Variants in TRIM14 observed in about 807,000 individuals in gnomAD.
The protein encoded by TRIM14 is tripartite motif containing 14.
In TRIM14, 28 loss-of-function variants were observed where a neutral mutation model predicts 44.5. That is an observed-to-expected ratio of 0.63 (90% CI 0.47 to 0.86). The LOEUF is 0.86. TRIM14 is among the 40% of genes least tolerant of loss of function. The pLI, the probability that TRIM14 is intolerant of heterozygous loss-of-function variation, is 0.00. For missense variants in TRIM14, 607 were observed against 611.1 expected, an observed-to-expected ratio of 0.99 and a Z score of 0.07; for synonymous variants, 299 against 269.2, an observed-to-expected ratio of 1.11 and a Z score of -1.08.
At chr9:98,041,579 C>T in the TRIM14 span, among the ~76,000 whole-genome samples, 1 of 152,024 alleles carries the variant, frequency 6.6e-6, no homozygotes, top group Non-Finnish European at 1.5e-5. Context: ...GTAACCTCCG[C>T]CTTCTGGGTT....
rs1342965777 is a variant in TRIM14, at chr9:98,091,969, T to G, written c.733A>C (p.Thr245Pro). ...GTTTTCAACAAGGTACCTGGCTTGG[T>G]GCTGGAAGGGTCTGAGAGCTGGCAG... is the stretch of plus-strand genomic sequence containing the variant. ...INCQLSDPSS[T>P]KPGTLLKTSP... The change falls in exon 5 of 6, where the codon ACC becomes CCC. Residue 245 changes from threonine (T) to proline (P), a missense_variant. Transcript: ENST00000341469. 6.2e-7 allele frequency: 1 copy of G among 1,610,782 alleles called. No homozygotes were observed. Among genetic ancestry groups the G allele is most frequent in the Admixed American group, 1.7e-5 (1 of 59,924 alleles).
In TRIM14 at chr9:98,086,830, T is replaced by C. The variant is rs1825791464; in HGVS notation, c.*640A>G. ...GAGGCGCTTGTATTTTTTTTTGTTA[T>C]TTCATGGAAACTCCTGGAAGCCTTT... On this transcript the variant is annotated 3_prime_UTR_variant, in exon 6 of 6. Coordinates refer to ENST00000341469, the MANE Select transcript of TRIM14 (RefSeq NM_014788.4). The C allele has an allele frequency of 6.5e-6, 1 of 153,528 alleles. No homozygotes were observed. The highest frequency in any genetic ancestry group is 1.4e-5 in the Non-Finnish European group (1 of 69,128). 9.5% of individuals were successfully genotyped at this position (153,528 alleles called of 1,614,324 possible).
chr9:98,108,522 G>A (rs1265929970), intron 2 of TRIM14, among the ~76,000 whole-genome samples: 3 of 152,102 alleles, frequency 2.0e-5, no homozygotes, highest in African/African-American at 7.2e-5. Context: ...ATTCTTGGGG[G>A]CCCTCAAACC....
chr9:98,046,079 G>C, the TRIM14 span, among the ~76,000 whole-genome samples: 3 of 152,182 alleles, frequency 2.0e-5, no homozygotes, highest in South Asian at 6.2e-4. Context: ...TAAAATTTGG[G>C]TTTTGGAAAT....
At chr9:98,088,133 A>T in intron 5 of TRIM14, 128 bp from the exon 6 acceptor site, 1 of 1,105,244 alleles carries the variant, frequency 9.0e-7, no homozygotes, top group South Asian at 1.9e-5. Flanking sequence ...GGAAGGGGTG[A>T]CAGACCCCTT....
chr9:98,091,294 A>G (rs1825984607), intron 5 of TRIM14, among the ~76,000 whole-genome samples: 1 of 152,140 alleles, frequency 6.6e-6, no homozygotes, highest in Non-Finnish European at 1.5e-5. Flanking sequence ...AAAAACAATG[A>G]TAAAAATAAA....
chr9:98,052,372 G>A, the TRIM14 span, among the ~76,000 whole-genome samples: 1 of 151,774 alleles, frequency 6.6e-6, no homozygotes, highest in African/African-American at 2.4e-5. Context: ...TTTTCCTTCA[G>A]AAAAATAAGA....
chr9:98,102,937 A>C (rs1004389693), intron 2 of TRIM14, among the ~76,000 whole-genome samples: 6 of 152,218 alleles, frequency 3.9e-5, no homozygotes, highest in Non-Finnish European at 8.8e-5. Context: ...CTGCAATCCC[A>C]GCACTTTGGG....
At chr9:98,075,868 A>G (rs936819787) in intron 6 of TRIM14, 4 of 152,198 alleles carry the variant, frequency 2.6e-5, no homozygotes, top group Non-Finnish European at 4.4e-5. Context: ...AATGATAATA[A>G]AAAGTTTTTG....
chr9:98,036,799 G>C, the TRIM14 span, among the ~76,000 whole-genome samples: 1 of 152,056 alleles, frequency 6.6e-6, no homozygotes, highest in Non-Finnish European at 1.5e-5. Context: ...AGTGAAACTC[G>C]GTCTCAAAAA....
At position 98,084,473 on chromosome 9, in the gene TRIM14, GAGA is replaced by G. The variant is rs1158398976; in HGVS notation, c.*2994_*2996del. Reference sequence around the variant, plus strand: ...AATGTCTACAGATTCAAGTCTGAAAGAGAAGAAGGTAAGTGATCAGTAACCCTT... The same window carrying G: ...AATGTCTACAGATTCAAGTCTGAAAGAGAAGGTAAGTGATCAGTAACCCTT... On this transcript the variant is annotated 3_prime_UTR_variant, in exon 6 of 6. Transcript: ENST00000341469. 2.0e-5 allele frequency: 3 copies of G among 152,206 alleles called. No homozygotes were observed. Among genetic ancestry groups the G allele is most frequent in the African/African-American group, 7.2e-5 (3 of 41,444 alleles). 9.4% of individuals were successfully genotyped at this position (152,206 alleles called of 1,614,324 possible).
the TRIM14 span, among the ~76,000 whole-genome samples, chr9:98,044,883 C>T: frequency 7.2e-5 from 11 of 152,056 alleles, 1 homozygote; most frequent in South Asian, 2.1e-4. Context: ...GAGGCCAAGG[C>T]GGGTGGATTG....
At chr9:98,056,733 C>T in the TRIM14 span, 1 of 1,545,120 alleles carries the variant, frequency 6.5e-7, no homozygotes, top group Non-Finnish European at 8.7e-7. Context: ...GCGTTGCTCA[C>T]AGAACAGAGT....
the TRIM14 span, among the ~76,000 whole-genome samples, chr9:98,049,340 TAAAAAA>T: frequency 1.5e-5 from 1 of 67,028 alleles, no homozygotes; most frequent in Non-Finnish European, 2.7e-5. Flanking sequence ...AGACTCTGCA[TAAAAAA>T]AAAAAAAAAA....
the TRIM14 span, among the ~76,000 whole-genome samples, chr9:98,050,288 T>A: frequency 6.6e-6 from 1 of 152,146 alleles, no homozygotes; most frequent in African/African-American, 2.4e-5. Context: ...CCCCTTTTGA[T>A]CATTTTCTCA....
chr9:98,049,158 A>T, the TRIM14 span, among the ~76,000 whole-genome samples: 2 of 151,706 alleles, frequency 1.3e-5, no homozygotes, highest in Non-Finnish European at 2.9e-5. Flanking sequence ...CCTGACCAAC[A>T]TGGAGAAACT....
At chr9:98,042,603 G>A in the TRIM14 span, among the ~76,000 whole-genome samples, 1 of 152,188 alleles carries the variant, frequency 6.6e-6, no homozygotes, top group Admixed American at 6.6e-5. Context: ...TGGGCGCAAT[G>A]GCTCAAGCCT....
chr9:98,036,598 T>G, the TRIM14 span, among the ~76,000 whole-genome samples: 1 of 151,402 alleles, frequency 6.6e-6, no homozygotes, highest in African/African-American at 2.4e-5. Flanking sequence ...GGTTAGGAGT[T>G]CAAAACCAGC....
chr9:98,093,902 T>G (rs922608344), intron 4 of TRIM14, among the ~76,000 whole-genome samples: 1 of 152,108 alleles, frequency 6.6e-6, no homozygotes, highest in African/African-American at 2.4e-5. Context: ...CATGCCACCA[T>G]GCCTGGCTAA....
Sources: allele counts gnomAD v4.1 joint callset (sites outside exome capture counted in the v4.1 genomes callset), GRCh38; gene constraint gnomAD v4.1.1; transcripts MANE v1.5; gene names NCBI Gene and HGNC (gene_info 2026-07-23, HGNC 2026-07-21).